Variants in CDH18 observed in about 807,000 individuals in gnomAD.
CDH18 encodes the protein cadherin-18.
CDH18 carries 31 observed loss-of-function variants against 67.9 expected under a neutral mutation model. The ratio of observed to expected loss-of-function variants is 0.46; its 90% CI spans 0.34 to 0.62. CDH18 has a LOEUF of 0.62. Ranked by LOEUF, CDH18 falls within the 20% of genes least tolerant of loss-of-function variation. The probability of loss-of-function intolerance (pLI) is 0.01; values close to 1 mark genes in which losing one functional copy is unlikely to be tolerated. For missense variants in CDH18, 890 were observed against 975.5 expected (o/e 0.91, Z 1.17); for synonymous variants, 362 against 347.2 (o/e 1.04, Z -0.48).
intron 1 of CDH18, among the ~76,000 whole-genome samples, chr5:20,295,488 G>A (rs916437381): frequency 6.6e-6 from 1 of 152,122 alleles, no homozygotes; most frequent in Non-Finnish European, 1.5e-5. Context: ...CAGCGCTTTG[G>A]GAGGCCGAGG....
intron 2 of CDH18, among the ~76,000 whole-genome samples, chr5:19,908,547 C>A (rs936705148): frequency 6.6e-6 from 1 of 152,036 alleles, no homozygotes; most frequent in African/African-American, 2.4e-5. Flanking sequence ...GTTTTATAAA[C>A]TTTTCTTCCT....
chr5:19,961,658 C>A (rs1796917931), intron 2 of CDH18, among the ~76,000 whole-genome samples: 1 of 151,936 alleles, frequency 6.6e-6, no homozygotes, highest in Non-Finnish European at 1.5e-5. Flanking sequence ...TTCACATAAG[C>A]CTGAAATTTA....
chr5:19,661,618 A>G (rs1459492914), intron 5 of CDH18, among the ~76,000 whole-genome samples: 1 of 152,064 alleles, frequency 6.6e-6, no homozygotes, highest in African/African-American at 2.4e-5. Flanking sequence ...ATTATAAAAT[A>G]AAATAAAAAA....
chr5:20,514,127 T>C (rs1755216393), intron 1 of CDH18, among the ~76,000 whole-genome samples: 1 of 152,196 alleles, frequency 6.6e-6, no homozygotes, highest in South Asian at 2.1e-4. Flanking sequence ...GTTTTTAATC[T>C]GCATATAGAC....
intron 1 of CDH18, among the ~76,000 whole-genome samples, chr5:20,302,345 T>C (rs537126746): frequency 1.3e-5 from 2 of 152,282 alleles, no homozygotes; most frequent in Non-Finnish European, 2.9e-5. Context: ...AGCCACTTGC[T>C]TACTATGAAT....
intron 1 of CDH18, among the ~76,000 whole-genome samples, chr5:20,520,496 A>G (rs1241815727): frequency 6.6e-6 from 1 of 152,108 alleles, no homozygotes; most frequent in Non-Finnish European, 1.5e-5. Flanking sequence ...CAGACTGGCC[A>G]CTCTTGAGAG....
chr5:20,020,443 C>T (rs1738308881), intron 2 of CDH18, among the ~76,000 whole-genome samples: 1 of 152,022 alleles, frequency 6.6e-6, no homozygotes, highest in Admixed American at 6.5e-5. Flanking sequence ...CCATCAAAGG[C>T]CTGGAGGCCT....
chr5:20,337,548 C>G (rs1387068048), intron 1 of CDH18, among the ~76,000 whole-genome samples: 2 of 152,210 alleles, frequency 1.3e-5, no homozygotes, highest in African/African-American at 2.4e-5. Flanking sequence ...CAAGCATCAC[C>G]TTTGCTCCTG....
intron 2 of CDH18, among the ~76,000 whole-genome samples, chr5:19,877,641 C>G (rs186621634): frequency 7.5e-4 from 114 of 152,156 alleles, no homozygotes; most frequent in Non-Finnish European, 1.1e-3. Context: ...TAGAACTGGT[C>G]CTTTCCTCTT....
At chr5:20,099,112 T>C (rs1490434442) in intron 2 of CDH18, among the ~76,000 whole-genome samples, 1 of 152,244 alleles carries the variant, frequency 6.6e-6, no homozygotes, top group Non-Finnish European at 1.5e-5. Context: ...TGATATTTTG[T>C]TAAAATTTTC....
chr5:19,812,437 A>T (rs1485084452), intron 3 of CDH18, among the ~76,000 whole-genome samples: 2 of 152,170 alleles, frequency 1.3e-5, no homozygotes, highest in Non-Finnish European at 2.9e-5. Context: ...TGAACATTCT[A>T]TGTCGTTGTT....
At chr5:19,652,267 A>G (rs1031092258) in intron 5 of CDH18, among the ~76,000 whole-genome samples, 4 of 152,048 alleles carry the variant, frequency 2.6e-5, no homozygotes, top group African/African-American at 9.7e-5. Context: ...TACTATTGCT[A>G]TGACAGACCT....
chr5:19,607,227 A>T, intron 6 of CDH18, among the ~76,000 whole-genome samples: 1 of 151,684 alleles, frequency 6.6e-6, no homozygotes, highest in East Asian at 1.9e-4. Context: ...GAAACACAGA[A>T]ATTCAAGGAG....
chr5:19,573,740 C>T (rs1741849310), intron 7 of CDH18, among the ~76,000 whole-genome samples: 1 of 152,168 alleles, frequency 6.6e-6, no homozygotes, highest in Non-Finnish European at 1.5e-5. Flanking sequence ...TACTTGCTGC[C>T]TATCAGCAAC....
intron 1 of CDH18, among the ~76,000 whole-genome samples, chr5:20,337,735 C>T (rs1019060186): frequency 2.0e-5 from 3 of 152,188 alleles, no homozygotes; most frequent in African/African-American, 7.2e-5. Context: ...TGCCTGTTAC[C>T]CAGTTCCAAA....
In CDH18 at chr5:19,892,061, G is replaced by A. The variant is rs143006195; in HGVS notation, c.-256-52819C>T. Among the ~76,000 whole-genome samples the A allele has an allele frequency of 1.7e-3, 253 of 152,210 alleles. 3 individuals carry two copies. Among genetic ancestry groups the A allele is most frequent in the African/African-American group, 5.2e-3 (214 of 41,542 alleles). ...GGATGAGTAGTAAATGTGCAATTGG[G>A]TAGGTGTCAGGGATGATAAAAATGC... On this transcript the variant is annotated intron_variant, in intron 2 of 12. Coordinates refer to ENST00000382275, the MANE Select transcript of CDH18 (RefSeq NM_004934.5).
In CDH18 at chr5:19,535,343, CTT is replaced by C. The variant is rs1749248386; in HGVS notation, c.1390+8524_1390+8525del. Among the ~76,000 whole-genome samples the C allele has an allele frequency of 2.0e-5, 3 of 152,128 alleles. No individual in the cohort carries two copies. In the South Asian group the frequency reaches 6.2e-4, roughly 31 times the overall value. Reference sequence around the variant, plus strand: ...TAAGTAAAAGTGCTAATTAGGATCTCTTTGTGTGCTAAGGGAAATTGGTAATA... The same window carrying C: ...TAAGTAAAAGTGCTAATTAGGATCTCTGTGTGCTAAGGGAAATTGGTAATA... On this transcript the variant is annotated intron_variant, in intron 9 of 12. Transcript: ENST00000382275.
At position 19,473,622 on chromosome 5, in the gene CDH18, A is replaced by T; in HGVS notation, c.1977T>A (p.Asp659Glu). The change falls in exon 13 of 13, where the codon GAT (aspartate) becomes GAA (glutamate). Residue 659 changes from aspartate to glutamate, a missense_variant. Coordinates refer to ENST00000382275, the MANE Select transcript of CDH18 (RefSeq NM_004934.5). ...TGTCTTCCTCTCCGCCTCCTTCATC[A>T]TCATAGGTGACCACGTTCTCCCGTA... ...EDVRENVVTYDDEGGGEEDTE... is the reference protein window; with the variant it reads ...EDVRENVVTYEDEGGGEEDTE... 1 of 1,613,862 alleles carries T rather than the reference A, an allele frequency of 6.2e-7. No homozygotes were observed. Among genetic ancestry groups the T allele is most frequent in the Non-Finnish European group, 8.5e-7 (1 of 1,179,844 alleles).
intron 2 of CDH18, among the ~76,000 whole-genome samples, chr5:19,952,524 C>T (rs1561619991): frequency 6.6e-6 from 1 of 152,074 alleles, no homozygotes; most frequent in Admixed American, 6.6e-5. Context: ...AGTCCAGTAC[C>T]TTATGTGTCC....
Sources: allele counts gnomAD v4.1 joint callset (sites outside exome capture counted in the v4.1 genomes callset), GRCh38; gene constraint gnomAD v4.1.1; transcripts MANE v1.5; gene names NCBI Gene and HGNC (gene_info 2026-07-23, HGNC 2026-07-21).